The following SIPA1L1 variants were observed in gnomAD, a reference collection of about 807,000 sequenced individuals.
The protein encoded by SIPA1L1 is signal induced proliferation associated 1 like 1, also known as signal-induced proliferation-associated 1-like protein 1.
A neutral mutation model predicts 162.7 loss-of-function variants in SIPA1L1; 26 were observed. The ratio of observed to expected loss-of-function variants is 0.16; its 90% CI spans 0.12 to 0.22. The LOEUF (loss-of-function observed/expected upper bound fraction) is 0.22, where lower values mean the gene tolerates loss of function less well. SIPA1L1 is among the 10% of genes least tolerant of loss of function. The probability of loss-of-function intolerance (pLI) is 1.00; values close to 1 mark genes in which losing one functional copy is unlikely to be tolerated. For missense variants in SIPA1L1, 1,874 were observed against 2,241.0 expected (o/e 0.84, Z 3.31); for synonymous variants, 829 against 837.4 (o/e 0.99, Z 0.17).
intron 5 of SIPA1L1, among the ~76,000 whole-genome samples, chr14:71,592,363 T>C (rs2035516092): frequency 1.3e-5 from 2 of 152,238 alleles, no homozygotes; most frequent in African/African-American, 4.8e-5. Context: ...TTTATACTTT[T>C]ATATAGTATA....
intron 2 of SIPA1L1, among the ~76,000 whole-genome samples, chr14:71,447,306 A>G (rs372159680): frequency 4.6e-5 from 7 of 152,194 alleles, no homozygotes; most frequent in Admixed American, 2.0e-4. Flanking sequence ...TCAAATGTTC[A>G]TAGCCTAAAT....
At chr14:71,551,450 A>G (rs751491831) in intron 4 of SIPA1L1, among the ~76,000 whole-genome samples, 4 of 152,250 alleles carry the variant, frequency 2.6e-5, no homozygotes, top group Non-Finnish European at 5.9e-5. Flanking sequence ...AGCATTCAGC[A>G]GTTATCCCTG....
intron 2 of SIPA1L1, among the ~76,000 whole-genome samples, chr14:71,323,689 A>T (rs971720195): frequency 6.6e-6 from 1 of 152,116 alleles, no homozygotes; most frequent in African/African-American, 2.4e-5. Flanking sequence ...ATAAATTCAG[A>T]AATTTCTTTT....
chr14:71,624,494 G>A (rs1364558585), intron 7 of SIPA1L1, among the ~76,000 whole-genome samples: 3 of 152,088 alleles, frequency 2.0e-5, no homozygotes, highest in Non-Finnish European at 2.9e-5. Flanking sequence ...TCTTCCATAT[G>A]TACGGTAAGT....
At chr14:71,616,597 C>T (rs1011213320) in intron 5 of SIPA1L1, among the ~76,000 whole-genome samples, 1 of 151,760 alleles carries the variant, frequency 6.6e-6, no homozygotes, top group African/African-American at 2.4e-5. Flanking sequence ...GGGGGTGGGG[C>T]TTTGGATCAT....
chr14:71,539,633 C>T (rs1433334936), intron 4 of SIPA1L1, among the ~76,000 whole-genome samples: 2 of 152,212 alleles, frequency 1.3e-5, no homozygotes, highest in East Asian at 3.8e-4. Context: ...AGGACTGTTT[C>T]TCTGACAGAT....
intron 2 of SIPA1L1, among the ~76,000 whole-genome samples, chr14:71,484,766 G>C (rs544539612): frequency 2.6e-5 from 4 of 152,262 alleles, no homozygotes; most frequent in African/African-American, 7.2e-5. Flanking sequence ...CTTATTGTTA[G>C]TTTGGCAACC....
intron 4 of SIPA1L1, among the ~76,000 whole-genome samples, chr14:71,583,029 G>A (rs2034147397): frequency 6.6e-6 from 1 of 152,128 alleles, no homozygotes; most frequent in East Asian, 1.9e-4. Context: ...GATTATCTTA[G>A]CTCATCTAAT....
chr14:71,403,252 G>A lies in SIPA1L1; in HGVS notation c.-465+82071G>A, dbSNP rs369834113. ...CATATTCCTTCTTTTTGCTAGCACA[G>A]TGTACCTATTAGTTATTTACATATA... On this transcript the variant is annotated intron_variant, in intron 2 of 23. Transcript: ENST00000381232. Among the ~76,000 whole-genome samples the A allele has an allele frequency of 2.8e-3, 422 of 152,220 alleles. 1 individual carries two copies. Among genetic ancestry groups the A allele is most frequent in the African/African-American group, 9.2e-3 (383 of 41,520 alleles).
intron 7 of SIPA1L1, among the ~76,000 whole-genome samples, chr14:71,641,254 TTCTGTCCACC>T (rs2041681324): frequency 2.0e-5 from 3 of 149,082 alleles, no homozygotes; most frequent in Non-Finnish European, 4.5e-5. Flanking sequence ...AAACAAGGAG[TTCTGTCCACC>T]CTAAACAAGA....
intron 2 of SIPA1L1, among the ~76,000 whole-genome samples, chr14:71,446,226 A>G (rs750516525): frequency 3.9e-5 from 6 of 152,178 alleles, no homozygotes; most frequent in Non-Finnish European, 5.9e-5. Context: ...GCTAATTCAG[A>G]AAATAGGAAT....
At chr14:71,474,340 C>A (rs145390500) in intron 2 of SIPA1L1, among the ~76,000 whole-genome samples, 2 of 152,188 alleles carry the variant, frequency 1.3e-5, no homozygotes, top group African/African-American at 4.8e-5. Flanking sequence ...TCCAAACTGA[C>A]GGTGATTCTG....
chr14:71,566,164 A>G (rs1430620010), intron 4 of SIPA1L1, among the ~76,000 whole-genome samples: 2 of 152,200 alleles, frequency 1.3e-5, no homozygotes, highest in Non-Finnish European at 1.5e-5. Context: ...CAGTAACGGT[A>G]TATTAGAAAA....
At chr14:71,428,668 G>C (rs1378116232) in intron 2 of SIPA1L1, among the ~76,000 whole-genome samples, 2 of 152,154 alleles carry the variant, frequency 1.3e-5, no homozygotes, top group African/African-American at 4.8e-5. Flanking sequence ...CAAAAAGGAG[G>C]GGCTTCCTGC....
chr14:71,694,553 C>G (rs17098340), intron 13 of SIPA1L1, among the ~76,000 whole-genome samples: 6,653 of 151,676 alleles, frequency 0.044, 260 homozygotes, highest in African/African-American at 0.095. Flanking sequence ...TGTTTAGTAT[C>G]AGTTATTTTA....
chr14:71,670,792 T>TA (rs2044436670), intron 10 of SIPA1L1, among the ~76,000 whole-genome samples: 1 of 152,186 alleles, frequency 6.6e-6, no homozygotes, highest in Non-Finnish European at 1.5e-5. Context: ...TAAAATGTCT[T>TA]ACACAGAATA....
intron 2 of SIPA1L1, among the ~76,000 whole-genome samples, chr14:71,459,375 A>G (rs942907027): frequency 1.3e-5 from 2 of 152,120 alleles, no homozygotes; most frequent in Non-Finnish European, 2.9e-5. Context: ...GGGGAAAAGG[A>G]TGGGGCTTGT....
intron 4 of SIPA1L1, 112 bp downstream of exon 4, chr14:71,529,482 T>G (rs887723267): frequency 9.6e-6 from 5 of 518,256 alleles, no homozygotes; most frequent in African/African-American, 1.9e-5. Context: ...TTTTAAAAAA[T>G]CTACTTTTCT....
chr14:71,649,266 A>G (rs1027394361), intron 7 of SIPA1L1, among the ~76,000 whole-genome samples: 13 of 146,958 alleles, frequency 8.8e-5, no homozygotes, highest in Non-Finnish European at 1.2e-4. Flanking sequence ...GTCATGACTC[A>G]CTGCAACATC....
Sources: allele counts gnomAD v4.1 joint callset (sites outside exome capture counted in the v4.1 genomes callset), GRCh38; gene constraint gnomAD v4.1.1; transcripts MANE v1.5; gene names NCBI Gene and HGNC (gene_info 2026-07-23, HGNC 2026-07-21).